Variants in CUTA observed in about 807,000 individuals in gnomAD.
CUTA encodes protein CutA.
A neutral mutation model predicts 20.7 loss-of-function variants in CUTA; 21 were observed. That is an observed-to-expected ratio of 1.01 (90% CI 0.72 to 1.46). CUTA has a LOEUF of 1.46. Ranked by LOEUF, CUTA falls within the 40% of genes most tolerant of loss-of-function variation. CUTA has a pLI of 0.00. For missense variants in CUTA, 231 were observed against 226.8 expected, an observed-to-expected ratio of 1.02 and a Z score of -0.12; for synonymous variants, 99 against 97.9, an observed-to-expected ratio of 1.01 and a Z score of -0.07.
At chr6:33,416,858 C>G in intron 5 of CUTA, 62 bp downstream of exon 5, 1 of 1,607,910 alleles carries the variant, frequency 6.2e-7, no homozygotes. Flanking sequence ...AAGCCCTAGA[C>G]TGCCCAGCAA....
Position 33,417,534 on chromosome 6 carries a change from G to C in CUTA, c.204C>G (p.Val68=). ...TGGGGCAAGTAACAAAGGCTGCAGA[G>C]ACCGAGCCCGGAACGTAGCCAGAGC... is the stretch of plus-strand genomic sequence containing the variant. ...DSGSGYVPGS[V]SAAFVTCPNE... Residue 68 remains valine, a synonymous_variant, in exon 2 of 6, where the codon GTC becomes GTG. Transcript: ENST00000488034. 1.2e-6 allele frequency: 2 copies of C among 1,614,162 alleles called. No homozygotes were observed. Among genetic ancestry groups the C allele is most frequent in the Non-Finnish European group, 1.7e-6 (2 of 1,180,028 alleles).
chr6:33,417,121 G>C lies in CUTA; in HGVS notation c.339C>G (p.Ile113Met), dbSNP rs780580530. ...ITSIYEWKGK[I>M]EEDSEVLMMI... ...CCATCAGCACCTCACTGTCTTCCTC[G>C]ATCTTCCCTTTCCACTCATAGCTGA... The change falls in exon 4 of 6, where the codon ATC (isoleucine) becomes ATG (methionine). Residue 113 changes from isoleucine (I) to methionine (M), a missense_variant. Ile to Met is a conservative substitution (Grantham distance 10, BLOSUM62 1). Transcript: ENST00000488034. The C allele has an allele frequency of 6.2e-7, 1 of 1,611,568 alleles. No homozygotes were observed. The highest frequency in any genetic ancestry group is 8.5e-7 in the Non-Finnish European group (1 of 1,178,208).
Position 33,417,708 on chromosome 6 carries a change from G to A in CUTA, c.43-13C>T. Reference sequence around the variant, plus strand: ...GGAGCAGAGAGGCCTGAGAGCAGGAGGCGAATTCGATCTCTCCTCACAAAC... The same window carrying A: ...GGAGCAGAGAGGCCTGAGAGCAGGAAGCGAATTCGATCTCTCCTCACAAAC... On this transcript the variant is annotated splice_polypyrimidine_tract_variant and intron_variant, in intron 1 of 5. Transcript: ENST00000488034. The A allele has an allele frequency of 6.3e-7, 1 of 1,595,022 alleles. No individual in the cohort carries two copies. The highest frequency in any genetic ancestry group is 1.3e-5 in the African/African-American group (1 of 74,436).
rs779170642 is a variant in CUTA, at chr6:33,418,070, G to A, written c.-70C>T. ...TCACACGGAGAAACAACCCCAGGAAGAGCGGCCTCTTCTTACCTGGGTGGC... is the reference window on the plus strand; with the variant it reads ...TCACACGGAGAAACAACCCCAGGAAAAGCGGCCTCTTCTTACCTGGGTGGC... On this transcript the variant is annotated 5_prime_UTR_variant, in exon 1 of 6. Coordinates refer to ENST00000488034, the MANE Select transcript of CUTA (RefSeq NM_001014840.2). This position sits in a 1 kb window ranked among gnomAD's most constrained non-coding sequence, Gnocchi z 5.7. The A allele has an allele frequency of 1.2e-6, 2 of 1,614,218 alleles. No individual in the cohort carries two copies. Among genetic ancestry groups the A allele is most frequent in the Non-Finnish European group, 1.7e-6 (2 of 1,180,044 alleles).
At chr6:33,417,825 G>A in intron 1 of CUTA, 130 bp from the exon 2 acceptor site, 2 of 1,544,136 alleles carry the variant, frequency 1.3e-6, no homozygotes, top group South Asian at 1.2e-5. Context: ...CCCTGAAGGT[G>A]AGAGAGAAAC....
rs1382179361 is a variant in CUTA, at chr6:33,417,273, G to A, written c.295C>T (p.Leu99Phe). Residue 99 changes from leucine to phenylalanine, a missense_variant, in exon 3 of 6, where the codon CTC becomes TTC. By Grantham distance (22) the Leu-to-Phe change is conservative. Coordinates refer to ENST00000488034, the MANE Select transcript of CUTA (RefSeq NM_001014840.2). ...VEKRLAACVNLIPQITSIYEW... is the reference protein window; with the variant it reads ...VEKRLAACVNFIPQITSIYEW... ...CACATGGATGTAATCTGAGGGATGA[G>A]GTTGACGCAGGCTGCTAGGCGCTTC... 1.9e-6 allele frequency: 3 copies of A among 1,614,080 alleles called. No homozygotes were observed. Among genetic ancestry groups the A allele is most frequent in the South Asian group, 1.1e-5 (1 of 91,088 alleles).
At position 33,417,855 on chromosome 6, in the gene CUTA, C is replaced by T. The variant is rs751707541; in HGVS notation, c.42+104G>A. 1.9e-5 allele frequency: 29 copies of T among 1,549,592 alleles called. No individual in the cohort carries two copies. In the Admixed American group the frequency reaches 3.5e-4, roughly 19 times the overall value. ...AGAAACTTGGAAAATAAAGCAAAAG[C>T]TCATTTCACTCACACCTCAGGGGGC... On this transcript the variant is annotated intron_variant, in intron 1 of 5. Coordinates refer to ENST00000488034, the MANE Select transcript of CUTA (RefSeq NM_001014840.2).
Position 33,416,673 on chromosome 6 carries a change from CAG to C in CUTA, c.515_516del (p.Ser172Ter), listed in dbSNP as rs1254407520. 1.2e-6 allele frequency: 2 copies of C among 1,607,044 alleles called. No individual in the cohort carries two copies. Among genetic ancestry groups the C allele is most frequent in the African/African-American group, 1.3e-5 (1 of 74,736 alleles). ...QWVRQVTESVSDSITVLP is the reference protein window; with the variant it reads ...QWVRQVTESVXDSITVLP ...CATCATGGCAGGACTGTGATAGAGT[CAG>C]AAACTGACTCTGTGACCTGGCGCAC... is the stretch of plus-strand genomic sequence containing the variant. On this transcript the variant is annotated frameshift_variant, in exon 6 of 6. Transcript: ENST00000488034. LOFTEE classifies it high-confidence loss of function.
In CUTA at chr6:33,416,725, CT is replaced by C; in HGVS notation, c.464del (p.Gln155ArgfsTer34). 4.3e-6 allele frequency: 7 copies of C among 1,614,142 alleles called. No individual in the cohort carries two copies. Among genetic ancestry groups the C allele is most frequent in the Non-Finnish European group, 5.9e-6 (7 of 1,180,010 alleles). On this transcript the variant is annotated frameshift_variant, in exon 6 of 6. Transcript: ENST00000488034. LOFTEE classifies it high-confidence loss of function. ...VAEVIALPVE[Q>X]GNFPYLQWVR... ...CCCACTGCAGGTACGGAAAGTTCCCCTGTTCCACAGGCAATGCAATTACCTC... is the reference window on the plus strand; with the variant it reads ...CCCACTGCAGGTACGGAAAGTTCCCCGTTCCACAGGCAATGCAATTACCTC...
In CUTA at chr6:33,418,044, G is replaced by A. The variant is rs756250190; in HGVS notation, c.-44C>T. 1 of 1,614,182 alleles carries A rather than the reference G, an allele frequency of 6.2e-7. No individual in the cohort carries two copies. Among genetic ancestry groups the A allele is most frequent in the South Asian group, 1.1e-5 (1 of 91,088 alleles). ...GGAGAGTTGATCTCAAAGGCCACAC[G>A]TCACACGGAGAAACAACCCCAGGAA... On this transcript the variant is annotated 5_prime_UTR_variant, in exon 1 of 6. In the 5' UTR this introduces an upstream ATG that the reference lacks. Transcript: ENST00000488034. The surrounding 1 kb of genome is among the most constrained non-coding windows in gnomAD (Gnocchi z 5.7).
chr6:33,417,876 G>T, intron 1 of CUTA, 83 bp downstream of exon 1: 1 of 1,564,160 alleles, frequency 6.4e-7, no homozygotes, highest in Non-Finnish European at 8.6e-7. Context: ...CACACCTCAG[G>T]GGGCCAACCT....
rs973848055 is a variant in CUTA, at chr6:33,416,722, C to G, written c.468G>C (p.Gly156=). 1.9e-6 allele frequency: 3 copies of G among 1,614,026 alleles called. No homozygotes were observed. Among genetic ancestry groups the G allele is most frequent in the Admixed American group, 1.7e-5 (1 of 59,994 alleles). The change falls in exon 6 of 6, where the codon GGG becomes GGC. Residue 156 remains glycine (G), a synonymous_variant. Transcript: ENST00000488034. ...GCACCCACTGCAGGTACGGAAAGTT[C>G]CCCTGTTCCACAGGCAATGCAATTA... ...AEVIALPVEQ[G]NFPYLQWVRQ...
chr6:33,417,885 C>A, intron 1 of CUTA, 74 bp downstream of exon 1: 1 of 1,571,594 alleles, frequency 6.4e-7, no homozygotes, highest in East Asian at 2.3e-5. Flanking sequence ...GGGGGCCAAC[C>A]TCTGGGATTT....
chr6:33,416,896 C>G (rs748908747), intron 5 of CUTA, 24 bp downstream of exon 5: 1 of 1,613,864 alleles, frequency 6.2e-7, no homozygotes, highest in Non-Finnish European at 8.5e-7. Context: ...CACACCCTCA[C>G]CCCATCCATC....
At position 33,417,124 on chromosome 6, in the gene CUTA, C is replaced by A; in HGVS notation, c.336G>T (p.Lys112Asn). The A allele has an allele frequency of 6.2e-7, 1 of 1,611,578 alleles. No individual in the cohort carries two copies. The highest frequency in any genetic ancestry group is 8.5e-7 in the Non-Finnish European group (1 of 1,178,212). The change falls in exon 4 of 6, where the codon AAG becomes AAT. Residue 112 changes from lysine to asparagine, a missense_variant. Lys to Asn is a moderately conservative substitution (Grantham distance 94, BLOSUM62 0). Transcript: ENST00000488034. Reference protein sequence around the residue: ...QITSIYEWKGKIEEDSEVLMM... With the variant: ...QITSIYEWKGNIEEDSEVLMM... ...TCAGCACCTCACTGTCTTCCTCGAT[C>A]TTCCCTTTCCACTCATAGCTGAAAG...
rs1400914702 is a variant in CUTA at position 33,416,516 on chromosome 6, G to A, written c.*134C>T. The A allele has an allele frequency of 1.5e-6, 1 of 687,444 alleles. No individual in the cohort carries two copies. The highest frequency in any genetic ancestry group is 2.7e-6 in the Non-Finnish European group (1 of 374,294). 42.6% of individuals were successfully genotyped at this position (687,444 alleles called of 1,614,324 possible). ...GCACTTATATTCTCCCAACAAATTT[G>A]CATACATGACAAAAAACAGGCAAAA... On this transcript the variant is annotated 3_prime_UTR_variant, in exon 6 of 6. Coordinates refer to ENST00000488034, the MANE Select transcript of CUTA (RefSeq NM_001014840.2).
At chr6:33,417,334 TCA>T in intron 2 of CUTA, 24 bp from the exon 3 acceptor site, 1 of 1,614,140 alleles carries the variant, frequency 6.2e-7, no homozygotes, top group South Asian at 1.1e-5. Context: ...ACAGTCCCAT[TCA>T]GAGTACCCCA....
chr6:33,417,428 C>T lies in CUTA; in HGVS notation c.257+53G>A, dbSNP rs146823591. ...AGAAAGCAGCACTCTTCTGCCCCAC[C>T]CCCAACTGTCCCTTCATGATCATCC... On this transcript the variant is annotated intron_variant, in intron 2 of 5. Coordinates refer to ENST00000488034, the MANE Select transcript of CUTA (RefSeq NM_001014840.2). The T allele has an allele frequency of 1.2e-3, 1,879 of 1,612,344 alleles. 4 individuals carry two copies. The highest frequency in any genetic ancestry group is 3.8e-3 in the African/African-American group (285 of 74,972).
At position 33,416,458 on chromosome 6, in the gene CUTA, T is replaced by C. The variant is rs1776483714; in HGVS notation, c.*192A>G. 33 of 591,062 alleles carry C rather than the reference T, an allele frequency of 5.6e-5. No homozygotes were observed. In the South Asian group the frequency reaches 7.4e-4, roughly 13 times the overall value. The allele number at this position is 591,062 out of a possible 1,614,324, so 36.6% of individuals were successfully genotyped here. A position where few individuals can be genotyped will look rare whatever the true frequency, so the allele number is the denominator to read the frequency against. ...AAACAAATCTAGCAGCTCTGAGTCA[T>C]TCTGAAAGATGTAGAGAATACAGGG... On this transcript the variant is annotated 3_prime_UTR_variant, in exon 6 of 6. Transcript: ENST00000488034.
Sources: allele counts gnomAD v4.1 joint callset, GRCh38; gene constraint gnomAD v4.1.1; non-coding constraint Gnocchi (gnomAD v3.1); transcripts MANE v1.5; gene names NCBI Gene and HGNC (gene_info 2026-07-23, HGNC 2026-07-21).